The following ARHGEF11 variants were observed in gnomAD, a reference collection of about 807,000 sequenced individuals.
ARHGEF11 encodes the protein Rho guanine exchange factor (GEF) 11.
In ARHGEF11, 55 loss-of-function variants were observed where a neutral mutation model predicts 193.7. The observed-to-expected ratio is 0.28, with a 90% CI of 0.23 to 0.36. The LOEUF (loss-of-function observed/expected upper bound fraction) is 0.36. Ranked by LOEUF, ARHGEF11 falls within the 10% of genes least tolerant of loss-of-function variation. The pLI, the probability that ARHGEF11 is intolerant of heterozygous loss-of-function variation, is 1.00. For missense variants in ARHGEF11, 1,723 were observed against 2,005.6 expected (o/e 0.86, Z 2.69); for synonymous variants, 693 against 768.0 (o/e 0.90, Z 1.62).
chr1:157,017,702 G>A (rs150850629), intron 1 of ARHGEF11, among the ~76,000 whole-genome samples: 4,579 of 99,024 alleles, frequency 0.046, 129 homozygotes, highest in Middle Eastern at 0.18. Flanking sequence ...GTGAGACTCC[G>A]TCTCAAAAAA....
chr1:157,036,181 A>G (rs1672011188), intron 1 of ARHGEF11, among the ~76,000 whole-genome samples: 2 of 133,614 alleles, frequency 1.5e-5, no homozygotes, highest in South Asian at 2.6e-4. Flanking sequence ...GAATACATAT[A>G]TGAATACATA....
chr1:156,991,600 G>A (rs997483425), intron 1 of ARHGEF11, among the ~76,000 whole-genome samples: 5 of 152,022 alleles, frequency 3.3e-5, no homozygotes, highest in Non-Finnish European at 5.9e-5. Context: ...GATTACAGGC[G>A]TGAGCCACTG....
At chr1:157,046,465 A>G (rs545999867), upstream of ARHGEF11, among the ~76,000 whole-genome samples, 164 of 151,778 alleles carry the variant, frequency 1.1e-3, no homozygotes, top group African/African-American at 3.7e-3. Flanking sequence ...CTCTCTTCTG[A>G]TCTTATTTTT....
intron 1 of ARHGEF11, among the ~76,000 whole-genome samples, chr1:156,998,947 A>G (rs1666882119): frequency 6.6e-6 from 1 of 152,212 alleles, no homozygotes; most frequent in African/African-American, 2.4e-5. Flanking sequence ...ACATAAAGCA[A>G]CTTTCAGGAA....
At chr1:157,030,104 T>A (rs531405786) in intron 1 of ARHGEF11, among the ~76,000 whole-genome samples, 1 of 152,158 alleles carries the variant, frequency 6.6e-6, no homozygotes, top group East Asian at 1.9e-4. Flanking sequence ...ATACTAAAAA[T>A]CACTGAACTG....
chr1:157,034,595 A>G (rs1671685184), intron 1 of ARHGEF11, among the ~76,000 whole-genome samples: 1 of 152,224 alleles, frequency 6.6e-6, no homozygotes, highest in Non-Finnish European at 1.5e-5. Flanking sequence ...GGAATGAATC[A>G]GCAGTGTCAA....
In ARHGEF11 at chr1:156,946,735, G is replaced by T. The variant is rs1435635250; in HGVS notation, c.2621C>A (p.Ser874Tyr). ...ELQQVAAQFC[S>Y]YQSIALELIK... ...TAGCTCTAGGGCTATTGACTGATAG[G>T]AACAGAACTGTGCAGCCACTTGCTG... The change falls in exon 28 of 41, where the codon TCC becomes TAC. Residue 874 changes from serine (S) to tyrosine (Y), a missense_variant. Transcript: ENST00000368194. 1 of 1,614,190 alleles carries T rather than the reference G, an allele frequency of 6.2e-7. No individual in the cohort carries two copies. The highest frequency in any genetic ancestry group is 8.5e-7 in the Non-Finnish European group (1 of 1,180,034).
chr1:156,948,084 C>T lies in ARHGEF11; in HGVS notation c.2153+97G>A, dbSNP rs796835160. On this transcript the variant is annotated intron_variant, in intron 24 of 40. Coordinates refer to ENST00000368194, the MANE Select transcript of ARHGEF11 (RefSeq NM_198236.3). This position sits in a 1 kb window ranked among gnomAD's most constrained non-coding sequence, Gnocchi z 4.2. ...AAACCAGTGGGCCCAGAAGAGGAGACAGCCACCCAACCAGCCCCTTGCAGG... is the reference window on the plus strand; with the variant it reads ...AAACCAGTGGGCCCAGAAGAGGAGATAGCCACCCAACCAGCCCCTTGCAGG... 40 of 1,536,274 alleles carry T rather than the reference C, an allele frequency of 2.6e-5. 1 individual carries two copies. The African/African-American group carries it at 4.5e-4, about 17-fold the overall frequency.
intron 1 of ARHGEF11, among the ~76,000 whole-genome samples, chr1:157,035,104 C>T (rs1671749860): frequency 1.3e-5 from 2 of 152,094 alleles, no homozygotes; most frequent in African/African-American, 4.8e-5. Context: ...AGTCATGAAT[C>T]CCAAGCTGGG....
rs189138042 is a variant in ARHGEF11 at position 157,018,561 on chromosome 1, C to T, written c.32+25738G>A. Among the ~76,000 whole-genome samples the T allele has an allele frequency of 5.4e-3, 820 of 151,370 alleles. 9 individuals are homozygous for T. The highest frequency in any genetic ancestry group is 0.019 in the African/African-American group (782 of 41,224). On this transcript the variant is annotated intron_variant, in intron 1 of 40. Transcript: ENST00000368194. ...TTGGGAGGCTGAGGCAGGAGAATGG[C>T]GTGAACCTGGGAGGCGGAGGTTGCA...
intron 1 of ARHGEF11, among the ~76,000 whole-genome samples, chr1:157,035,844 T>A (rs1158711648): frequency 1.6e-5 from 2 of 126,588 alleles, no homozygotes; most frequent in African/African-American, 2.8e-5. Flanking sequence ...AATATATATA[T>A]GTATATATTT....
intron 1 of ARHGEF11, among the ~76,000 whole-genome samples, chr1:157,013,259 T>TCACACACACACACACACA (rs567488551): frequency 0.055 from 6,047 of 109,338 alleles, 594 homozygotes; most frequent in Non-Finnish European, 0.067. Flanking sequence ...CTCCCCACTA[T>TCACACACACACACACACA]CACTCACACA....
intron 4 of ARHGEF11, 113 bp downstream of exon 4, chr1:156,980,324 G>C: frequency 7.7e-7 from 1 of 1,296,128 alleles, no homozygotes; most frequent in African/African-American, 1.5e-5. Flanking sequence ...TAACTCAGTG[G>C]CTGCCTGGCA....
At chr1:157,000,011 T>C (rs1477936998) in intron 1 of ARHGEF11, among the ~76,000 whole-genome samples, 1 of 152,266 alleles carries the variant, frequency 6.6e-6, no homozygotes, top group African/African-American at 2.4e-5. Flanking sequence ...TCACACAGGC[T>C]GGAGTGCAGT....
At position 156,959,145 on chromosome 1, in the gene ARHGEF11, G is replaced by A. The variant is rs1660409607; in HGVS notation, c.1283-3C>T. 3.7e-6 allele frequency: 6 copies of A among 1,613,886 alleles called. No individual in the cohort carries two copies. The highest frequency in any genetic ancestry group is 3.3e-4 in the Middle Eastern group (2 of 6,060). ...TTCGCTGTTCCGCAGGCGCGAGTCTGTAGTGGGAGATCAGAGAAAGCAGAG... is the reference window on the plus strand; with the variant it reads ...TTCGCTGTTCCGCAGGCGCGAGTCTATAGTGGGAGATCAGAGAAAGCAGAG... On this transcript the variant is annotated splice_region_variant and splice_polypyrimidine_tract_variant and intron_variant, in intron 15 of 40. Transcript: ENST00000368194.
At chr1:157,036,010 T>C (rs1175065216) in intron 1 of ARHGEF11, among the ~76,000 whole-genome samples, 1 of 126,158 alleles carries the variant, frequency 7.9e-6, no homozygotes, top group Non-Finnish European at 1.6e-5. Flanking sequence ...TATAGGAATA[T>C]ATATATGAAT....
chr1:157,046,820 G>C (rs1019748196), upstream of ARHGEF11, among the ~76,000 whole-genome samples: 4 of 147,322 alleles, frequency 2.7e-5, no homozygotes, highest in African/African-American at 9.9e-5. Flanking sequence ...ACCATCCTGG[G>C]CCAACATGGT....
At chr1:156,983,836 G>A (rs1458116908) in intron 3 of ARHGEF11, among the ~76,000 whole-genome samples, 1 of 152,178 alleles carries the variant, frequency 6.6e-6, no homozygotes, top group Non-Finnish European at 1.5e-5. Flanking sequence ...CATTTCCCCT[G>A]ACATCACATC....
At chr1:157,006,731 T>C (rs983580543) in intron 1 of ARHGEF11, among the ~76,000 whole-genome samples, 1 of 152,176 alleles carries the variant, frequency 6.6e-6, no homozygotes, top group Non-Finnish European at 1.5e-5. Flanking sequence ...AGTTTCACCA[T>C]CTGCTGGCAC....
Sources: gnomAD v4.1 joint callset for allele counts (sites outside exome capture counted in the v4.1 genomes callset) on GRCh38, gnomAD v4.1.1 for gene constraint, Gnocchi (gnomAD v3.1) non-coding constraint, MANE v1.5 for transcripts, NCBI Gene and HGNC (gene_info 2026-07-23, HGNC 2026-07-21) for gene names.